Variants in CXADR observed in about 807,000 individuals in gnomAD.
The protein encoded by CXADR is CXADR cell adhesion molecule.
CXADR carries 20 observed loss-of-function variants against 40.3 expected under a neutral mutation model. That is an observed-to-expected ratio of 0.50 (90% CI 0.35 to 0.72). The LOEUF (loss-of-function observed/expected upper bound fraction) is 0.72. Ranked by LOEUF, CXADR falls within the 30% of genes least tolerant of loss-of-function variation. The pLI is 0.01. For missense variants in CXADR, 332 were observed against 449.1 expected (o/e 0.74, Z 2.36); for synonymous variants, 150 against 161.3 (o/e 0.93, Z 0.53).
the CXADR span, among the ~76,000 whole-genome samples, chr21:17,610,439 G>C: frequency 6.6e-6 from 1 of 152,198 alleles, no homozygotes; most frequent in African/African-American, 2.4e-5. Context: ...ACAAAAACTA[G>C]TGGATCTATC....
At chr21:17,576,984 T>C (rs1214229362) in intron 7 of CXADR, 1 of 152,200 alleles carries the variant, frequency 6.6e-6, no homozygotes, top group African/African-American at 2.4e-5. Context: ...TTTAAATAGT[T>C]AAAAATATGT....
In CXADR at chr21:17,592,551, A is replaced by G. The variant is rs781476896; in HGVS notation, c.1018-601A>G. ...CTTGAAACTTTCCAACTTTACGCCA[A>G]TCACCTACAAATCTGTCATTATCAC... is the stretch of plus-strand genomic sequence containing the variant. On this transcript the variant is annotated intron_variant, in intron 7 of 7. Coordinates refer to the CXADR transcript ENST00000400169. Among the ~76,000 whole-genome samples the G allele has an allele frequency of 4.6e-5, 7 of 152,068 alleles. 1 individual carries two copies. Among genetic ancestry groups the G allele is most frequent in the Non-Finnish European group, 4.4e-5 (3 of 67,876 alleles).
At chr21:17,608,689 T>C in the CXADR span, 1 of 324,900 alleles carries the variant, frequency 3.1e-6, no homozygotes, top group Non-Finnish European at 5.5e-6. Context: ...TAAGTATTTG[T>C]GATAAACAGA....
At chr21:17,556,584 G>A (rs1258002230) in intron 3 of CXADR, among the ~76,000 whole-genome samples, 1 of 152,106 alleles carries the variant, frequency 6.6e-6, no homozygotes, top group African/African-American at 2.4e-5. Context: ...TCTAATAAAG[G>A]ATTTATTGGT....
At chr21:17,584,576 A>G (rs566183133) in intron 7 of CXADR, among the ~76,000 whole-genome samples, 52 of 152,358 alleles carry the variant, frequency 3.4e-4, no homozygotes, top group African/African-American at 1.1e-3. Flanking sequence ...TCACGTCTGT[A>G]GTCCCAGCAC....
In CXADR at chr21:17,554,424, C is replaced by G. The variant is rs529885478; in HGVS notation, c.415+2471C>G. On this transcript the variant is annotated intron_variant, in intron 3 of 6. Transcript: ENST00000284878. ...AATGGGTAAGTGGGAAGCATTGACA[C>G]AGTTCACCCTGAGTTACTCCTGGGG... Among the ~76,000 whole-genome samples the G allele has an allele frequency of 7.8e-4, 118 of 152,250 alleles. 1 individual carries two copies. The highest frequency in any genetic ancestry group is 1.9e-3 in the African/African-American group (78 of 41,556).
At chr21:17,586,656 T>G (rs1216901912) in intron 7 of CXADR, among the ~76,000 whole-genome samples, 1 of 151,948 alleles carries the variant, frequency 6.6e-6, no homozygotes, top group Admixed American at 6.6e-5. Context: ...GAATCTATTT[T>G]TATGGTTTGA....
intron 1 of CXADR, among the ~76,000 whole-genome samples, chr21:17,536,017 G>A (rs552410929): frequency 6.6e-6 from 1 of 152,168 alleles, no homozygotes; most frequent in South Asian, 2.1e-4. Flanking sequence ...CCAAAATAAA[G>A]AAAACTCCTG....
rs978280123 is a variant in CXADR, at chr21:17,578,383, C to T, written c.1017+12772C>T. ...CTAAGTGAAAGGTGTATGGTGAAAT[C>T]ACCAGGTAAGAGTGTGTAGAGTGAG... is the stretch of plus-strand genomic sequence containing the variant. On this transcript the variant is annotated intron_variant, in intron 7 of 7. Transcript: ENST00000400169. 5.3e-5 allele frequency among the ~76,000 whole-genome samples: 8 copies of T among 152,326 alleles called. 1 individual carries two copies. In the South Asian group the frequency reaches 1.7e-3, roughly 32 times the overall value.
chr21:17,548,889 C>T (rs951158148), intron 2 of CXADR, among the ~76,000 whole-genome samples: 1 of 152,170 alleles, frequency 6.6e-6, no homozygotes, highest in Admixed American at 6.5e-5. Flanking sequence ...ACCTAAAACA[C>T]AGTCACATCA....
intron 1 of CXADR, among the ~76,000 whole-genome samples, chr21:17,542,585 C>T (rs2060843354): frequency 6.6e-6 from 1 of 152,190 alleles, no homozygotes; most frequent in African/African-American, 2.4e-5. Context: ...AATGTTATTT[C>T]AGTCACTGCC....
the CXADR span, among the ~76,000 whole-genome samples, chr21:17,614,683 C>T: frequency 8.1e-4 from 123 of 152,188 alleles, no homozygotes; most frequent in African/African-American, 2.9e-3. Context: ...ATTGAGGCTG[C>T]AGTGAGCTAT....
the CXADR span, among the ~76,000 whole-genome samples, chr21:17,634,248 A>G: frequency 1.3e-5 from 2 of 152,168 alleles, no homozygotes; most frequent in South Asian, 2.1e-4. Flanking sequence ...GAAGTCCTAT[A>G]TGGGGGGGAT....
the CXADR span, among the ~76,000 whole-genome samples, chr21:17,633,846 T>C: frequency 6.6e-6 from 1 of 152,210 alleles, no homozygotes; most frequent in Non-Finnish European, 1.5e-5. Flanking sequence ...GAAGAAGGTA[T>C]TTAACCTTCA....
At chr21:17,584,110 A>G (rs2061378655) in intron 7 of CXADR, among the ~76,000 whole-genome samples, 1 of 152,240 alleles carries the variant, frequency 6.6e-6, no homozygotes, top group Admixed American at 6.5e-5. Flanking sequence ...GATTTAAGAT[A>G]AATGGAAGGA....
intron 1 of CXADR, among the ~76,000 whole-genome samples, chr21:17,525,936 A>G (rs1421668816): frequency 6.6e-6 from 1 of 152,274 alleles, no homozygotes; most frequent in Non-Finnish European, 1.5e-5. Context: ...AGCCACATTA[A>G]AAGGCAAAAA....
chr21:17,515,493 T>A (rs1005663683), intron 1 of CXADR, among the ~76,000 whole-genome samples: 2 of 151,670 alleles, frequency 1.3e-5, no homozygotes, highest in African/African-American at 4.8e-5. Context: ...CTTTATTTCT[T>A]CAGATATTTC....
rs532541050 is a variant in CXADR, at chr21:17,577,612, C to CTTTTT, written c.1017+12025_1017+12029dup. ...CTCACACGTCAGACCATTCTGCAAGCTTTTTTTTTTTTTTTTTTTTTTTTT... is the reference window on the plus strand; with the variant it reads ...CTCACACGTCAGACCATTCTGCAAGCTTTTTTTTTTTTTTTTTTTTTTTTTTTTTT... On this transcript the variant is annotated intron_variant, in intron 7 of 7. Coordinates refer to the CXADR transcript ENST00000400169. Among the ~76,000 whole-genome samples the CTTTTT allele has an allele frequency of 5.4e-3, 197 of 36,580 alleles. 45 individuals carry two copies. The East Asian group carries it at 0.14, about 26-fold the overall frequency. 24.0% of individuals were successfully genotyped at this position (36,580 alleles called of 152,430 possible). A position where few individuals can be genotyped will look rare whatever the true frequency, so the allele number is the denominator to read the frequency against.
At chr21:17,586,751 A>G (rs2061399661) in intron 7 of CXADR, among the ~76,000 whole-genome samples, 1 of 152,036 alleles carries the variant, frequency 6.6e-6, no homozygotes, top group East Asian at 1.9e-4. Flanking sequence ...TTTTATTATT[A>G]TTATACTTTA....
Sources: allele counts gnomAD v4.1 joint callset (sites outside exome capture counted in the v4.1 genomes callset), GRCh38; gene constraint gnomAD v4.1.1; transcripts MANE v1.5; gene names NCBI Gene and HGNC (gene_info 2026-07-23, HGNC 2026-07-21).